The following ERBB4 variants were observed in gnomAD, a reference collection of about 807,000 sequenced individuals.
ERBB4 encodes the protein receptor tyrosine-protein kinase erbB-4.
A neutral mutation model predicts 158.0 loss-of-function variants in ERBB4; 42 were observed. The ratio of observed to expected loss-of-function variants is 0.27; its 90% CI spans 0.21 to 0.34. The LOEUF is 0.34. Among genes scored for constraint, ERBB4 ranks in the 10% least tolerant of loss-of-function variants. The pLI is 1.00. For synonymous variants in ERBB4, 583 were observed against 558.7 expected (o/e 1.04, Z -0.61); for missense variants, 1,333 against 1,624.1 (o/e 0.82, Z 3.08).
chr2:211,605,671 C>T (rs947515903), intron 19 of ERBB4, among the ~76,000 whole-genome samples: 2 of 152,090 alleles, frequency 1.3e-5, no homozygotes, highest in African/African-American at 4.8e-5. Context: ...TGTAATTTAA[C>T]AGATAATATG....
At chr2:211,871,680 T>C (rs2078350010) in intron 3 of ERBB4, among the ~76,000 whole-genome samples, 1 of 152,180 alleles carries the variant, frequency 6.6e-6, no homozygotes, top group South Asian at 2.1e-4. Context: ...AAAGAAAATC[T>C]AATTGAAGCA....
chr2:211,577,440 A>G (rs2067923376), intron 19 of ERBB4, among the ~76,000 whole-genome samples: 1 of 152,124 alleles, frequency 6.6e-6, no homozygotes, highest in South Asian at 2.1e-4. Flanking sequence ...TATGATCTAC[A>G]TTCTTCCCTA....
At chr2:212,259,147 T>G (rs527472980) in intron 1 of ERBB4, among the ~76,000 whole-genome samples, 1 of 152,316 alleles carries the variant, frequency 6.6e-6, no homozygotes, top group Admixed American at 6.5e-5. Flanking sequence ...AGCATTAAGT[T>G]CTAAAGGTGA....
intron 1 of ERBB4, among the ~76,000 whole-genome samples, chr2:212,243,402 A>G (rs17417904): frequency 0.15 from 23,379 of 152,168 alleles, 2,206 homozygotes; most frequent in Non-Finnish European, 0.2. Context: ...TTTTGTAATA[A>G]CAAATCATGT....
intron 1 of ERBB4, among the ~76,000 whole-genome samples, chr2:212,265,351 A>T (rs1479874376): frequency 1.3e-5 from 2 of 152,112 alleles, no homozygotes; most frequent in Non-Finnish European, 2.9e-5. Flanking sequence ...AAGGTGAATT[A>T]TTGTACATGT....
chr2:212,503,879 A>G (rs1195210562), intron 1 of ERBB4, among the ~76,000 whole-genome samples: 1 of 99,156 alleles, frequency 1.0e-5, no homozygotes, highest in Non-Finnish European at 2.3e-5. Context: ...ACAAAAAGAG[A>G]AAAAAAAAAT....
intron 3 of ERBB4, among the ~76,000 whole-genome samples, chr2:211,811,462 C>T (rs2076755085): frequency 1.3e-5 from 2 of 151,902 alleles, no homozygotes; most frequent in Admixed American, 1.3e-4. Flanking sequence ...TGTTTCATTT[C>T]AACCTTGGTG....
intron 19 of ERBB4, among the ~76,000 whole-genome samples, chr2:211,587,727 T>C (rs2068329039): frequency 6.6e-6 from 1 of 152,132 alleles, no homozygotes; most frequent in Non-Finnish European, 1.5e-5. Flanking sequence ...CTATCCTCGA[T>C]AGGCCACGAG....
intron 3 of ERBB4, among the ~76,000 whole-genome samples, chr2:211,836,350 C>T (rs1441068529): frequency 6.6e-6 from 1 of 152,086 alleles, no homozygotes; most frequent in Non-Finnish European, 1.5e-5. Flanking sequence ...TGCAAGAATC[C>T]ATATGCAAAC....
chr2:211,790,628 T>C (rs2076258240), intron 3 of ERBB4, among the ~76,000 whole-genome samples: 1 of 152,022 alleles, frequency 6.6e-6, no homozygotes, highest in Non-Finnish European at 1.5e-5. Context: ...CAGCATAATC[T>C]TACACGTTAA....
At position 212,057,609 on chromosome 2, in the gene ERBB4, A is replaced by G. The variant is rs574343692; in HGVS notation, c.234+67143T>C. On this transcript the variant is annotated intron_variant, in intron 2 of 27. Coordinates refer to ENST00000342788, the MANE Select transcript of ERBB4 (RefSeq NM_005235.3). ...CAGACCACAGTGCAATCAAACTAGA[A>G]CTCAGGATTAAGAAACTCCCTCAAA... Among the ~76,000 whole-genome samples the G allele has an allele frequency of 3.9e-5, 6 of 152,334 alleles. No homozygotes were observed. In the South Asian group the frequency reaches 1.2e-3, roughly 32 times the overall value.
At chr2:211,637,809 A>G (rs1277671742) in intron 16 of ERBB4, among the ~76,000 whole-genome samples, 2 of 151,990 alleles carry the variant, frequency 1.3e-5, no homozygotes, top group East Asian at 1.9e-4. Context: ...CTAACATTTT[A>G]TGTATTGGAG....
At chr2:211,731,078 C>G (rs1234390749) in intron 5 of ERBB4, among the ~76,000 whole-genome samples, 1 of 151,968 alleles carries the variant, frequency 6.6e-6, no homozygotes, top group African/African-American at 2.4e-5. Context: ...AGGGAAATTA[C>G]CTATATTTTC....
chr2:211,626,429 CT>C (rs1407283505), intron 17 of ERBB4, among the ~76,000 whole-genome samples: 2 of 152,150 alleles, frequency 1.3e-5, no homozygotes, highest in Non-Finnish European at 2.9e-5. Context: ...CAAATGTTCA[CT>C]TCTGAGGCAG....
intron 3 of ERBB4, among the ~76,000 whole-genome samples, chr2:211,885,958 T>C (rs1237301391): frequency 6.6e-6 from 1 of 152,146 alleles, no homozygotes; most frequent in Non-Finnish European, 1.5e-5. Context: ...AATCTAACAA[T>C]GTGGAGAATT....
intron 3 of ERBB4, among the ~76,000 whole-genome samples, chr2:211,800,458 G>A (rs994106611): frequency 2.6e-5 from 4 of 152,076 alleles, no homozygotes; most frequent in South Asian, 2.1e-4. Flanking sequence ...AAAGGAAAGC[G>A]TGAGTAATCT....
chr2:211,436,223 T>G (rs1240889809), intron 20 of ERBB4, among the ~76,000 whole-genome samples: 1 of 152,096 alleles, frequency 6.6e-6, no homozygotes, highest in African/African-American at 2.4e-5. Context: ...GTGATTGACA[T>G]TTTTTAATTT....
intron 1 of ERBB4, among the ~76,000 whole-genome samples, chr2:212,177,760 A>C (rs1224222137): frequency 6.6e-6 from 1 of 151,934 alleles, no homozygotes; most frequent in Non-Finnish European, 1.5e-5. Flanking sequence ...ATACTCTGGA[A>C]AGACGGATCC....
intron 1 of ERBB4, among the ~76,000 whole-genome samples, chr2:212,321,909 A>T (rs2087584086): frequency 6.7e-6 from 1 of 150,250 alleles, no homozygotes; most frequent in African/African-American, 2.4e-5. Flanking sequence ...ACTTTGTGTT[A>T]TTAAAATGGC....
Sources: allele counts gnomAD v4.1 joint callset (sites outside exome capture counted in the v4.1 genomes callset), GRCh38; gene constraint gnomAD v4.1.1; transcripts MANE v1.5; gene names NCBI Gene and HGNC (gene_info 2026-07-23, HGNC 2026-07-21).